The following FUT9 variants were observed in gnomAD, a reference collection of about 807,000 sequenced individuals.
FUT9 encodes the protein 4-galactosyl-N-acetylglucosaminide 3-alpha-L-fucosyltransferase 9.
FUT9 carries 15 observed loss-of-function variants against 29.7 expected under a neutral mutation model. That is an observed-to-expected ratio of 0.51 (90% CI 0.34 to 0.78). The LOEUF (loss-of-function observed/expected upper bound fraction) is 0.78, where lower values mean the gene tolerates loss of function less well. Ranked by LOEUF, FUT9 falls within the 30% of genes least tolerant of loss-of-function variation. The pLI, the probability that FUT9 is intolerant of heterozygous loss-of-function variation, is 0.01. For synonymous variants in FUT9, 169 were observed against 153.7 expected (o/e 1.10, Z -0.74); for missense variants, 319 against 425.4 (o/e 0.75, Z 2.20).
At chr6:96,180,830 T>C (rs1773293106) in intron 2 of FUT9, among the ~76,000 whole-genome samples, 1 of 152,068 alleles carries the variant, frequency 6.6e-6, no homozygotes, top group South Asian at 2.1e-4. Flanking sequence ...TCCATTCATT[T>C]GTTGATGGAC....
chr6:96,021,903 A>G (rs1562098812), intron 1 of FUT9, among the ~76,000 whole-genome samples: 2 of 152,088 alleles, frequency 1.3e-5, no homozygotes, highest in Non-Finnish European at 2.9e-5. Flanking sequence ...GCTTACGCCC[A>G]TGAAGGATCT....
chr6:96,084,724 AG>A (rs1209685611), intron 1 of FUT9, among the ~76,000 whole-genome samples: 1 of 152,118 alleles, frequency 6.6e-6, no homozygotes, highest in East Asian at 1.9e-4. Flanking sequence ...ATTATTTTGA[AG>A]CCTTGGATAC....
chr6:96,021,868 C>T (rs987831488), intron 1 of FUT9, among the ~76,000 whole-genome samples: 11 of 151,720 alleles, frequency 7.3e-5, no homozygotes, highest in Admixed American at 2.0e-4. Context: ...TCTGAAGGTA[C>T]CTGAATTATA....
intron 1 of FUT9, among the ~76,000 whole-genome samples, chr6:96,073,737 C>G (rs1771100864): frequency 1.3e-5 from 2 of 152,008 alleles, no homozygotes; most frequent in South Asian, 2.1e-4. Context: ...AATGAGGGGC[C>G]CAAGATGGTG....
intron 1 of FUT9, among the ~76,000 whole-genome samples, chr6:96,082,626 T>C (rs1183222976): frequency 6.6e-6 from 1 of 151,874 alleles, no homozygotes; most frequent in Admixed American, 6.6e-5. Context: ...TAGCAGAGAG[T>C]CTTGGCTAGT....
At chr6:96,067,723 G>A (rs1235416065) in intron 1 of FUT9, among the ~76,000 whole-genome samples, 1 of 152,070 alleles carries the variant, frequency 6.6e-6, no homozygotes, top group Non-Finnish European at 1.5e-5. Context: ...GTATAGAATT[G>A]TGGTTGTGTT....
intron 1 of FUT9, among the ~76,000 whole-genome samples, chr6:96,088,810 T>C (rs893463183): frequency 7.5e-6 from 1 of 132,552 alleles, no homozygotes; most frequent in East Asian, 2.3e-4. Context: ...TTTTTCCAAT[T>C]CCTTGCATGA....
intron 1 of FUT9, among the ~76,000 whole-genome samples, chr6:96,086,838 C>A (rs1462715426): frequency 6.6e-6 from 1 of 152,146 alleles, no homozygotes; most frequent in Non-Finnish European, 1.5e-5. Flanking sequence ...TTTGTCCTCA[C>A]ACTAAAGGAA....
intron 1 of FUT9, among the ~76,000 whole-genome samples, chr6:96,096,049 G>A (rs1483326351): frequency 6.6e-6 from 1 of 152,080 alleles, no homozygotes; most frequent in Non-Finnish European, 1.5e-5. Context: ...ACAAACTTGT[G>A]AATCATATAT....
chr6:96,081,733 C>T (rs1475873849), intron 1 of FUT9, among the ~76,000 whole-genome samples: 2 of 151,832 alleles, frequency 1.3e-5, no homozygotes, highest in African/African-American at 2.4e-5. Flanking sequence ...TGTTCAAATG[C>T]AATAGATTAT....
intron 1 of FUT9, among the ~76,000 whole-genome samples, chr6:96,041,796 C>T (rs1268112803): frequency 6.6e-5 from 10 of 152,224 alleles, no homozygotes; most frequent in East Asian, 3.9e-4. Flanking sequence ...CTGTTAATCC[C>T]GATGAGTCTC....
chr6:96,036,839 T>A lies in FUT9; in HGVS notation c.-98+20627T>A, dbSNP rs115862680. On this transcript the variant is annotated intron_variant, in intron 1 of 2. Coordinates refer to ENST00000302103, the MANE Select transcript of FUT9 (RefSeq NM_006581.4). Reference sequence around the variant, plus strand: ...CATATGACATTTATTTAAACCAAGCTATAGCTGTGCTTCTCAAACCTTACA... The same window carrying A: ...CATATGACATTTATTTAAACCAAGCAATAGCTGTGCTTCTCAAACCTTACA... The A allele has an allele frequency of 3.9e-3, 599 of 152,124 alleles. 3 individuals are homozygous for A. The highest frequency in any genetic ancestry group is 0.014 in the African/African-American group (585 of 41,508). 9.4% of individuals were successfully genotyped at this position (152,124 alleles called of 1,614,324 possible).
At chr6:96,091,274 G>A (rs1350912167) in intron 1 of FUT9, among the ~76,000 whole-genome samples, 1 of 151,966 alleles carries the variant, frequency 6.6e-6, no homozygotes, top group Non-Finnish European at 1.5e-5. Flanking sequence ...CCATGAGAAG[G>A]TTAAATACTG....
chr6:96,052,185 G>A (rs566663459), intron 1 of FUT9, among the ~76,000 whole-genome samples: 30 of 152,100 alleles, frequency 2.0e-4, no homozygotes, highest in Non-Finnish European at 4.0e-4. Flanking sequence ...GATCTCATGA[G>A]AACTCACTCA....
At chr6:96,132,799 A>C (rs371207468) in intron 2 of FUT9, among the ~76,000 whole-genome samples, 1 of 152,232 alleles carries the variant, frequency 6.6e-6, no homozygotes, top group African/African-American at 2.4e-5. Flanking sequence ...AGCTTTCCTA[A>C]AACATTTATG....
At chr6:96,094,152 G>C (rs1286185801) in intron 1 of FUT9, among the ~76,000 whole-genome samples, 1 of 152,116 alleles carries the variant, frequency 6.6e-6, no homozygotes, top group East Asian at 1.9e-4. Flanking sequence ...GGTCCTCAGT[G>C]ATCTGAAAAG....
chr6:96,199,867 T>G lies in FUT9; in HGVS notation c.-8-3281T>G, dbSNP rs148759800. Among the ~76,000 whole-genome samples the G allele has an allele frequency of 4.6e-3, 702 of 152,252 alleles. 5 individuals are homozygous for G. The highest frequency in any genetic ancestry group is 0.016 in the African/African-American group (679 of 41,546). On this transcript the variant is annotated intron_variant, in intron 2 of 2. Coordinates refer to ENST00000302103, the MANE Select transcript of FUT9 (RefSeq NM_006581.4). The stretch of plus-strand genomic sequence containing the variant: ...TGAGACATACAGCATTTATTAAGCA[T>G]CTACTACATTCTGGTGATAAGGATA...
intron 1 of FUT9, among the ~76,000 whole-genome samples, chr6:96,056,150 G>A (rs941931854): frequency 6.6e-6 from 1 of 152,030 alleles, no homozygotes; most frequent in Non-Finnish European, 1.5e-5. Context: ...CTCTTTTTCT[G>A]CATAAAATGA....
chr6:96,133,119 C>CT (rs35901162), intron 2 of FUT9, among the ~76,000 whole-genome samples: 9 of 151,700 alleles, frequency 5.9e-5, no homozygotes, highest in Non-Finnish European at 1.2e-4. Flanking sequence ...CCCCAGGGCA[C>CT]TTTTTTAAAA....
Sources: gnomAD v4.1 joint callset for allele counts (sites outside exome capture counted in the v4.1 genomes callset) on GRCh38, gnomAD v4.1.1 for gene constraint, MANE v1.5 for transcripts, NCBI Gene and HGNC (gene_info 2026-07-23, HGNC 2026-07-21) for gene names.